The following PXDNL variants were observed in gnomAD, a reference collection of about 807,000 sequenced individuals.
PXDNL encodes the protein probable oxidoreductase PXDNL.
In PXDNL, 145 loss-of-function variants were observed where a neutral mutation model predicts 150.8. The observed-to-expected ratio is 0.96, with a 90% CI of 0.84 to 1.10. The LOEUF (loss-of-function observed/expected upper bound fraction) is 1.10. Ranked by LOEUF, PXDNL falls within the 50% of genes least tolerant of loss-of-function variation. PXDNL has a pLI of 0.00. For missense variants in PXDNL, 2,087 were observed against 1,873.9 expected (o/e 1.11, Z -2.10); for synonymous variants, 757 against 725.7 (o/e 1.04, Z -0.69).
At chr8:51,534,420 G>GC (rs1248843087) in intron 4 of PXDNL, among the ~76,000 whole-genome samples, 1 of 130,554 alleles carries the variant, frequency 7.7e-6, no homozygotes, top group African/African-American at 3.3e-5. Flanking sequence ...CTGCCCGGCC[G>GC]CCCCTACTGG....
chr8:51,340,974 C>A (rs147475074), intron 20 of PXDNL, among the ~76,000 whole-genome samples: 1 of 152,338 alleles, frequency 6.6e-6, no homozygotes, highest in Admixed American at 6.5e-5. Flanking sequence ...GAAGATATAA[C>A]CAACAGTCAA....
chr8:51,659,898 TATTTA>T (rs1815233199), intron 1 of PXDNL, among the ~76,000 whole-genome samples: 1 of 149,834 alleles, frequency 6.7e-6, no homozygotes, highest in African/African-American at 2.5e-5. Context: ...TTTATTTATT[TATTTA>T]TTTTGAGAAG....
intron 1 of PXDNL, among the ~76,000 whole-genome samples, chr8:51,718,996 G>A (rs1160799238): frequency 6.6e-6 from 1 of 150,948 alleles, no homozygotes; most frequent in African/African-American, 2.4e-5. Context: ...GAGGCGGGGG[G>A]CAGCCCCCGA....
chr8:51,798,891 C>A (rs2037589732), intron 1 of PXDNL, among the ~76,000 whole-genome samples: 1 of 151,780 alleles, frequency 6.6e-6, no homozygotes, highest in Non-Finnish European at 1.5e-5. Context: ...ACCCAGCAAT[C>A]CCATTACTGG....
rs1264600904 is a variant in PXDNL at position 51,370,699 on chromosome 8, C to T, written c.3901+1174G>A. Among the ~76,000 whole-genome samples the T allele has an allele frequency of 3.3e-5, 5 of 152,164 alleles. No individual in the cohort carries two copies. The South Asian group carries it at 6.2e-4, about 19-fold the overall frequency. ...GCAACCTCCGCCTCCAGGGTTCAAG[C>T]GATTCTCTTGCCTTAGCCTCCCAAG... On this transcript the variant is annotated intron_variant, in intron 19 of 22. Coordinates refer to ENST00000356297, the MANE Select transcript of PXDNL (RefSeq NM_144651.5).
rs1285335728 is a variant in PXDNL at position 51,577,991 on chromosome 8, GAAAGAAAGAGGA to G, written c.308+14624_308+14635del. Among the ~76,000 whole-genome samples the G allele has an allele frequency of 7.2e-3, 400 of 55,522 alleles. 1 individual carries two copies. Among genetic ancestry groups the G allele is most frequent in the Non-Finnish European group, 9.3e-3 (251 of 27,056 alleles). The allele number at this position is 55,522 out of a possible 152,430, so 36.4% of individuals were successfully genotyped here. A position where few individuals can be genotyped will look rare whatever the true frequency, so the allele number is the denominator to read the frequency against. The stretch of plus-strand genomic sequence containing the variant: ...AGAAAGAAAGAAAGAAAGAAAGAAA[GAAAGAAAGAGGA>G]AGGAAGGAAGGAAGGAAGGAAGGAA... On this transcript the variant is annotated intron_variant, in intron 3 of 22. Transcript: ENST00000356297.
chr8:51,761,128 C>T (rs549462264), intron 1 of PXDNL, among the ~76,000 whole-genome samples: 2 of 151,266 alleles, frequency 1.3e-5, no homozygotes, highest in Admixed American at 1.3e-4. Flanking sequence ...CCGCCTCGGC[C>T]TCCCAAAGTG....
chr8:51,696,306 G>A (rs28421737), intron 1 of PXDNL, among the ~76,000 whole-genome samples: 1,639 of 152,298 alleles, frequency 0.011, 27 homozygotes, highest in African/African-American at 0.033. Context: ...AACTATTGCC[G>A]TTATAAGAAG....
chr8:51,650,791 G>T (rs990634985), intron 2 of PXDNL, among the ~76,000 whole-genome samples: 1 of 152,162 alleles, frequency 6.6e-6, no homozygotes, highest in Non-Finnish European at 1.5e-5. Context: ...TTTGGTAAGA[G>T]CAAAGACAAA....
Position 51,601,141 on chromosome 8 carries a change from C to G in PXDNL, c.237-8443G>C, listed in dbSNP as rs1466490333. On this transcript the variant is annotated intron_variant, in intron 2 of 22. Transcript: ENST00000356297. ...TATTGATACTTGCTTTATGGCCAAGCATATGGTCAATCTTGGAGTATGCTC... is the reference window on the plus strand; with the variant it reads ...TATTGATACTTGCTTTATGGCCAAGGATATGGTCAATCTTGGAGTATGCTC... Among the ~76,000 whole-genome samples the G allele has an allele frequency of 2.0e-5, 3 of 151,242 alleles. No individual in the cohort carries two copies. In the Admixed American group the frequency reaches 2.0e-4, roughly 10 times the overall value.
At chr8:51,407,968 G>A (rs1321215991) in intron 17 of PXDNL, 99 bp downstream of exon 17, 1 of 965,568 alleles carries the variant, frequency 1.0e-6, no homozygotes, top group Non-Finnish European at 1.5e-6. Flanking sequence ...AAGCTCTGCA[G>A]CACCCCCAGG....
intron 13 of PXDNL, among the ~76,000 whole-genome samples, chr8:51,425,943 T>C (rs1809088254): frequency 6.6e-6 from 1 of 152,230 alleles, no homozygotes; most frequent in African/African-American, 2.4e-5. Context: ...GCCTTGTTAA[T>C]ATATGGTAGC....
intron 1 of PXDNL, among the ~76,000 whole-genome samples, chr8:51,742,322 C>CA (rs1427725938): frequency 2.0e-5 from 3 of 152,194 alleles, no homozygotes; most frequent in African/African-American, 7.2e-5. Context: ...TGGCAGTGAT[C>CA]ACACGCATCT....
Position 51,552,666 on chromosome 8 carries a change from G to A in PXDNL, c.380+4174C>T, listed in dbSNP as rs537388862. ...CATTAGAATTATATAAGGGACTCCAGGTATTCGGAGTAAGGATGGAAGCGG... is the reference window on the plus strand; with the variant it reads ...CATTAGAATTATATAAGGGACTCCAAGTATTCGGAGTAAGGATGGAAGCGG... On this transcript the variant is annotated intron_variant, in intron 4 of 22. Transcript: ENST00000356297. Among the ~76,000 whole-genome samples, 109 of 152,112 alleles carry A rather than the reference G, an allele frequency of 7.2e-4. 1 individual carries two copies. Among genetic ancestry groups the A allele is most frequent in the Non-Finnish European group, 6.0e-4 (41 of 68,036 alleles).
chr8:51,321,569 G>C (rs1432491240), intron 21 of PXDNL, among the ~76,000 whole-genome samples: 2 of 152,026 alleles, frequency 1.3e-5, no homozygotes, highest in African/African-American at 4.8e-5. Context: ...TCTCGGGGTA[G>C]TGAATTCTCA....
chr8:51,725,923 A>G (rs1816810448), intron 1 of PXDNL, among the ~76,000 whole-genome samples: 1 of 152,230 alleles, frequency 6.6e-6, no homozygotes, highest in African/African-American at 2.4e-5. Context: ...GTGACCACTG[A>G]CCATTTCAAC....
In PXDNL at chr8:51,409,121, C is replaced by T. The variant is rs1304061481; in HGVS notation, c.2503G>A (p.Val835Ile). ...AAACAAGGAGGGTCGTTGGTGCAGA[C>T]GGAGCTGCACGGCCGCCCATCCGAG... ...RFSDGRPCSS[V>I]CTNDPPCFPM... The change falls in exon 17 of 23, where the codon GTC becomes ATC. Residue 835 changes from valine (V) to isoleucine (I), a missense_variant. Val to Ile is a conservative substitution (Grantham distance 29). Coordinates refer to ENST00000356297, the MANE Select transcript of PXDNL (RefSeq NM_144651.5). 5.6e-6 allele frequency: 9 copies of T among 1,606,760 alleles called. No individual in the cohort carries two copies. Among genetic ancestry groups the T allele is most frequent in the Non-Finnish European group, 7.6e-6 (9 of 1,179,038 alleles).
intron 1 of PXDNL, among the ~76,000 whole-genome samples, chr8:51,731,608 G>A (rs529286539): frequency 1.3e-5 from 2 of 152,344 alleles, no homozygotes; most frequent in African/African-American, 4.8e-5. Context: ...ATTCCCTTTT[G>A]CACTGTCCTA....
intron 1 of PXDNL, among the ~76,000 whole-genome samples, chr8:51,749,247 T>C (rs2037017178): frequency 6.6e-6 from 1 of 152,214 alleles, no homozygotes; most frequent in South Asian, 2.1e-4. Context: ...AGGTTTAAGA[T>C]TTAAATAGAT....
Sources: allele counts gnomAD v4.1 joint callset (sites outside exome capture counted in the v4.1 genomes callset), GRCh38; gene constraint gnomAD v4.1.1; transcripts MANE v1.5; gene names NCBI Gene and HGNC (gene_info 2026-07-23, HGNC 2026-07-21).